NRXN3: variants seen among roughly 807,000 people sequenced by gnomAD.
The protein encoded by NRXN3 is neurexin 3.
Under a neutral mutation model 137.6 loss-of-function variants are expected in NRXN3, and 32 were observed. That is an observed-to-expected ratio of 0.23 (90% confidence interval 0.18 to 0.31). The LOEUF is 0.31. Among genes scored for constraint, NRXN3 ranks in the 10% least tolerant of loss-of-function variants. The pLI, the probability that NRXN3 is intolerant of heterozygous loss-of-function variation, is 1.00. For missense variants in NRXN3, 1,574 were observed against 2,062.5 expected (o/e 0.76, Z 4.59); for synonymous variants, 798 against 784.5 (o/e 1.02, Z -0.29).
intron 16 of NRXN3, among the ~76,000 whole-genome samples, chr14:79,488,929 CT>C (rs2096683977): frequency 6.6e-6 from 1 of 152,078 alleles, no homozygotes; most frequent in Non-Finnish European, 1.5e-5. Flanking sequence ...CTAGCTCTAT[CT>C]TTTTTCCTCC....
intron 8 of NRXN3, among the ~76,000 whole-genome samples, chr14:78,739,549 GA>G (rs1401479692): frequency 1.3e-5 from 2 of 152,188 alleles, no homozygotes; most frequent in Non-Finnish European, 1.5e-5. Context: ...TTGGCTCACT[GA>G]AACCTCCGCC....
chr14:78,593,500 C>T (rs1029985240), intron 4 of NRXN3, among the ~76,000 whole-genome samples: 1 of 152,294 alleles, frequency 6.6e-6, no homozygotes, highest in Non-Finnish European at 1.5e-5. Context: ...CCCTTGTGAC[C>T]ACAGTTATCT....
At chr14:79,262,461 A>G (rs564072588) in intron 15 of NRXN3, among the ~76,000 whole-genome samples, 49 of 150,736 alleles carry the variant, frequency 3.3e-4, no homozygotes, top group African/African-American at 1.2e-3. Context: ...AGGAGGAAGG[A>G]GGAAGGAGAA....
chr14:78,264,140 C>T (rs1567117389), intron 2 of NRXN3, among the ~76,000 whole-genome samples: 1 of 152,274 alleles, frequency 6.6e-6, no homozygotes, highest in East Asian at 1.9e-4. Flanking sequence ...CGAGGTCATA[C>T]ATAAAGTGGG....
chr14:78,312,860 C>CT (rs901755842), intron 4 of NRXN3, among the ~76,000 whole-genome samples: 3 of 152,138 alleles, frequency 2.0e-5, no homozygotes, highest in Non-Finnish European at 4.4e-5. Flanking sequence ...GAGCACTAAG[C>CT]TTTTTTTCCA....
chr14:78,939,192 G>A (rs181758881), intron 10 of NRXN3, among the ~76,000 whole-genome samples: 99 of 152,290 alleles, frequency 6.5e-4, no homozygotes, highest in African/African-American at 2.1e-3. Flanking sequence ...ATTCCCAGCA[G>A]CATGTAGAAA....
intron 19 of NRXN3, among the ~76,000 whole-genome samples, chr14:79,727,402 T>G (rs1184580255): frequency 6.6e-6 from 1 of 152,076 alleles, no homozygotes; most frequent in Admixed American, 6.6e-5. Context: ...AAATACTTTC[T>G]CCTCTCAAGA....
chr14:79,018,254 CTG>C (rs2099582705), intron 15 of NRXN3, among the ~76,000 whole-genome samples: 1 of 55,476 alleles, frequency 1.8e-5, no homozygotes, highest in Non-Finnish European at 3.2e-5. Flanking sequence ...GAGCAAAACT[CTG>C]TCTCAAAAAA....
At chr14:78,171,130 ACT>A (rs1166421861) in intron 1 of NRXN3, among the ~76,000 whole-genome samples, 3 of 150,728 alleles carry the variant, frequency 2.0e-5, no homozygotes, top group Non-Finnish European at 4.4e-5. Flanking sequence ...CAGAAAGGAC[ACT>A]CTGAGGATCA....
At chr14:79,701,359 C>T (rs1034332181) in intron 19 of NRXN3, among the ~76,000 whole-genome samples, 4 of 152,096 alleles carry the variant, frequency 2.6e-5, no homozygotes, top group East Asian at 1.9e-4. Flanking sequence ...AATTTGGGCA[C>T]AGTTCAGCAA....
intron 15 of NRXN3, among the ~76,000 whole-genome samples, chr14:79,054,699 A>G (rs1280507590): frequency 6.6e-6 from 1 of 152,186 alleles, no homozygotes; most frequent in African/African-American, 2.4e-5. Context: ...ACTTGGATAT[A>G]GAGCCAATGC....
At chr14:78,397,634 A>G (rs1431443478) in intron 4 of NRXN3, among the ~76,000 whole-genome samples, 1 of 151,632 alleles carries the variant, frequency 6.6e-6, no homozygotes, top group Non-Finnish European at 1.5e-5. Context: ...GACAGAGTCT[A>G]GCTCTGTCAC....
intron 16 of NRXN3, among the ~76,000 whole-genome samples, chr14:79,554,477 A>T (rs2097408261): frequency 6.6e-6 from 1 of 152,184 alleles, no homozygotes; most frequent in Non-Finnish European, 1.5e-5. Context: ...GACTGAAGAT[A>T]AGTAGAATCT....
intron 15 of NRXN3, among the ~76,000 whole-genome samples, chr14:79,173,689 T>C (rs779775445): frequency 7.9e-5 from 12 of 152,174 alleles, no homozygotes; most frequent in Non-Finnish European, 1.6e-4. Flanking sequence ...ATTAGGTGTC[T>C]TAATTTTTGA....
At chr14:79,398,501 A>C (rs1328503808) in intron 15 of NRXN3, among the ~76,000 whole-genome samples, 1 of 151,550 alleles carries the variant, frequency 6.6e-6, no homozygotes, top group East Asian at 2.0e-4. Context: ...GAAAATATTC[A>C]TTGTTTTTTT....
chr14:79,464,115 G>A (rs1221730447), intron 15 of NRXN3, among the ~76,000 whole-genome samples: 1 of 152,114 alleles, frequency 6.6e-6, no homozygotes, highest in Non-Finnish European at 1.5e-5. Context: ...AGTTATAATT[G>A]TTAATTACCT....
chr14:78,195,943 G>A (rs1431372070), intron 1 of NRXN3, among the ~76,000 whole-genome samples: 3 of 152,206 alleles, frequency 2.0e-5, no homozygotes, highest in Non-Finnish European at 4.4e-5. Flanking sequence ...TGGGCTTTGG[G>A]TCAAGCACCT....
chr14:78,976,138 A>G (rs1047988820), intron 14 of NRXN3, among the ~76,000 whole-genome samples: 1 of 152,238 alleles, frequency 6.6e-6, no homozygotes, highest in Admixed American at 6.5e-5. Context: ...CTGCAGAACT[A>G]TAAAAGAAAT....
At chr14:79,777,411 A>G (rs1405076184) in intron 19 of NRXN3, among the ~76,000 whole-genome samples, 2 of 152,076 alleles carry the variant, frequency 1.3e-5, no homozygotes, top group Non-Finnish European at 2.9e-5. Flanking sequence ...AGCAGATTCC[A>G]TGGGAGACTG....
Sources: gnomAD v4.1 joint callset for allele counts (sites outside exome capture counted in the v4.1 genomes callset) on GRCh38, gnomAD v4.1.1 for gene constraint, MANE v1.5 for transcripts, NCBI Gene and HGNC (gene_info 2026-07-23, HGNC 2026-07-21) for gene names.